Variants in SLC24A3 observed in about 807,000 individuals in gnomAD.
SLC24A3 encodes solute carrier family 24 member 3, also known as sodium/potassium/calcium exchanger 3.
SLC24A3 carries 28 observed loss-of-function variants against 75.8 expected under a neutral mutation model. That is an observed-to-expected ratio of 0.37 (90% CI 0.27 to 0.51). SLC24A3 has a LOEUF of 0.51. Ranked by LOEUF, SLC24A3 falls within the 20% of genes least tolerant of loss-of-function variation. The pLI, the probability that SLC24A3 is intolerant of heterozygous loss-of-function variation, is 0.94. For synonymous variants in SLC24A3, 372 were observed against 334.1 expected (o/e 1.11, Z -1.24); for missense variants, 663 against 847.8 (o/e 0.78, Z 2.71).
chr20:19,406,993 C>T (rs78440790), intron 2 of SLC24A3, among the ~76,000 whole-genome samples: 2,979 of 150,126 alleles, frequency 0.02, 103 homozygotes, highest in African/African-American at 0.07. Flanking sequence ...ACATATCACT[C>T]ACCAATCATG....
At chr20:19,434,541 A>ATT (rs112679398) in intron 2 of SLC24A3, among the ~76,000 whole-genome samples, 1 of 151,898 alleles carries the variant, frequency 6.6e-6, no homozygotes, top group East Asian at 1.9e-4. Context: ...GTGACAAATG[A>ATT]TTTTTTTTTC....
chr20:19,582,334 G>C (rs991852416), intron 4 of SLC24A3, among the ~76,000 whole-genome samples: 17 of 152,280 alleles, frequency 1.1e-4, no homozygotes, highest in African/African-American at 3.9e-4. Flanking sequence ...ACTGGGAGTG[G>C]GGCAGAAAAA....
chr20:19,375,629 T>G (rs544676615), intron 2 of SLC24A3, among the ~76,000 whole-genome samples: 3 of 152,278 alleles, frequency 2.0e-5, no homozygotes, highest in Non-Finnish European at 4.4e-5. Flanking sequence ...CCATGACAGA[T>G]GTTGTAAATC....
At chr20:19,233,659 C>A (rs1982087486) in intron 1 of SLC24A3, among the ~76,000 whole-genome samples, 1 of 152,220 alleles carries the variant, frequency 6.6e-6, no homozygotes, top group Non-Finnish European at 1.5e-5. Context: ...CAGGACTGAT[C>A]TTTATTTTCT....
At chr20:19,588,361 C>A (rs149150590) in intron 6 of SLC24A3, among the ~76,000 whole-genome samples, 2 of 152,262 alleles carry the variant, frequency 1.3e-5, no homozygotes, top group East Asian at 3.9e-4. Flanking sequence ...GTGGGCCTCC[C>A]TCTATGAATT....
At chr20:19,409,649 A>T (rs1986709851) in intron 2 of SLC24A3, among the ~76,000 whole-genome samples, 1 of 152,198 alleles carries the variant, frequency 6.6e-6, no homozygotes, top group Non-Finnish European at 1.5e-5. Flanking sequence ...GATGCAATAA[A>T]TTATGATAGA....
intron 1 of SLC24A3, among the ~76,000 whole-genome samples, chr20:19,248,915 C>T (rs1045814564): frequency 3.3e-4 from 50 of 149,288 alleles, no homozygotes; most frequent in Admixed American, 3.1e-3. Flanking sequence ...CGCATGATCT[C>T]GTATGTGGAA....
intron 3 of SLC24A3, among the ~76,000 whole-genome samples, chr20:19,544,246 A>G (rs535793235): frequency 3.9e-5 from 6 of 152,328 alleles, no homozygotes; most frequent in African/African-American, 1.2e-4. Flanking sequence ...ATTCCAAAGA[A>G]CAGGAGCAAC....
chr20:19,673,159 C>T (rs865969514), intron 8 of SLC24A3, among the ~76,000 whole-genome samples: 1 of 152,326 alleles, frequency 6.6e-6, no homozygotes, highest in Admixed American at 6.5e-5. Flanking sequence ...CTGCCTCTCT[C>T]CCCACTTCTA....
At chr20:19,700,912 A>G (rs2032864343) in intron 15 of SLC24A3, among the ~76,000 whole-genome samples, 1 of 152,182 alleles carries the variant, frequency 6.6e-6, no homozygotes, top group South Asian at 2.1e-4. Flanking sequence ...TTAGAGTTTT[A>G]CCTAAATCTA....
At chr20:19,395,207 G>GT (rs929230904) in intron 2 of SLC24A3, among the ~76,000 whole-genome samples, 1 of 152,176 alleles carries the variant, frequency 6.6e-6, no homozygotes, top group Non-Finnish European at 1.5e-5. Context: ...GGGAGCTACC[G>GT]TGTAATGGTC....
At chr20:19,279,276 C>T (rs922513881) in intron 1 of SLC24A3, among the ~76,000 whole-genome samples, 3 of 152,212 alleles carry the variant, frequency 2.0e-5, no homozygotes, top group African/African-American at 2.4e-5. Flanking sequence ...GTTAGGCCCA[C>T]GTCTTGTGTT....
chr20:19,444,243 G>C (rs187626465), intron 2 of SLC24A3, among the ~76,000 whole-genome samples: 1 of 152,128 alleles, frequency 6.6e-6, no homozygotes, highest in Non-Finnish European at 1.5e-5. Flanking sequence ...CTGATATTTT[G>C]TTGAGGATTT....
intron 2 of SLC24A3, among the ~76,000 whole-genome samples, chr20:19,455,022 C>CT (rs35009090): frequency 6.6e-6 from 1 of 152,092 alleles, no homozygotes; most frequent in Non-Finnish European, 1.5e-5. Context: ...TGTTCTATGT[C>CT]TTTTTTTATC....
chr20:19,687,575 C>G (rs1461200293), intron 12 of SLC24A3, among the ~76,000 whole-genome samples: 1 of 152,208 alleles, frequency 6.6e-6, no homozygotes, highest in Non-Finnish European at 1.5e-5. Context: ...AAATCTTTCA[C>G]TAATTAAACA....
intron 3 of SLC24A3, among the ~76,000 whole-genome samples, chr20:19,548,874 A>T (rs926482042): frequency 2.0e-5 from 3 of 152,358 alleles, no homozygotes; most frequent in Middle Eastern, 3.4e-3. Flanking sequence ...AAATGCCTAA[A>T]TGCATCATGG....
chr20:19,701,264 C>A (rs1033710059), intron 15 of SLC24A3, among the ~76,000 whole-genome samples: 10 of 152,124 alleles, frequency 6.6e-5, no homozygotes, highest in South Asian at 4.2e-4. Flanking sequence ...TGAAAGTTAC[C>A]TTTCATGAAT....
intron 6 of SLC24A3, among the ~76,000 whole-genome samples, chr20:19,621,773 C>T (rs1008176261): frequency 1.2e-4 from 19 of 152,300 alleles, no homozygotes; most frequent in African/African-American, 4.3e-4. Flanking sequence ...ACCTGTTGGA[C>T]GTATCCAGTC....
chr20:19,413,686 G>A (rs1189226339), intron 2 of SLC24A3, among the ~76,000 whole-genome samples: 2 of 152,166 alleles, frequency 1.3e-5, no homozygotes, highest in Non-Finnish European at 2.9e-5. Flanking sequence ...AAACAGGTAA[G>A]CAGAAGGAAA....
Sources: gnomAD v4.1 joint callset for allele counts (sites outside exome capture counted in the v4.1 genomes callset) on GRCh38, gnomAD v4.1.1 for gene constraint, MANE v1.5 for transcripts, NCBI Gene and HGNC (gene_info 2026-07-23, HGNC 2026-07-21) for gene names.